The following CALN1 variants were observed in gnomAD, a reference collection of about 807,000 sequenced individuals.
CALN1 encodes calneuron 1.
CALN1 carries 17 observed loss-of-function variants against 30.6 expected under a neutral mutation model. The ratio of observed to expected loss-of-function variants is 0.56; its 90% CI spans 0.38 to 0.83. CALN1 has a LOEUF of 0.83. CALN1 is among the 40% of genes least tolerant of loss of function. CALN1 has a pLI of 0.00. For missense variants in CALN1, 291 were observed against 354.9 expected (o/e 0.82, Z 1.45); for synonymous variants, 156 against 131.4 (o/e 1.19, Z -1.28).
chr7:72,092,531 G>A (rs1004102437), intron 4 of CALN1, among the ~76,000 whole-genome samples: 1 of 148,432 alleles, frequency 6.7e-6, no homozygotes, highest in African/African-American at 2.5e-5. Flanking sequence ...GGAATGTGTA[G>A]AGTCTCCCAT....
chr7:72,188,247 A>G (rs1476330646), intron 3 of CALN1, among the ~76,000 whole-genome samples: 1 of 152,202 alleles, frequency 6.6e-6, no homozygotes, highest in Admixed American at 6.5e-5. Flanking sequence ...CAACAGGTGG[A>G]TAAAGAAACT....
chr7:71,862,916 C>A (rs1038450498), intron 5 of CALN1, among the ~76,000 whole-genome samples: 2 of 152,130 alleles, frequency 1.3e-5, no homozygotes, highest in Non-Finnish European at 2.9e-5. Context: ...ACAAGATAAT[C>A]CAAGTTAGTT....
At chr7:72,465,378 G>A in the CALN1 span, among the ~76,000 whole-genome samples, 1 of 152,168 alleles carries the variant, frequency 6.6e-6, no homozygotes, top group Non-Finnish European at 1.5e-5. Context: ...GAGCTTCTGG[G>A]CTCTGTCTTC....
intron 2 of CALN1, among the ~76,000 whole-genome samples, chr7:72,398,106 G>A (rs1236081105): frequency 1.3e-5 from 2 of 152,164 alleles, no homozygotes; most frequent in Non-Finnish European, 2.9e-5. Flanking sequence ...GGGAAGAGAG[G>A]CAAGAAGAGG....
intron 5 of CALN1, among the ~76,000 whole-genome samples, chr7:71,922,555 C>CAAAAT (rs1474722895): frequency 8.7e-6 from 1 of 114,598 alleles, no homozygotes; most frequent in Admixed American, 9.0e-5. Context: ...ATATAACACA[C>CAAAAT]AGATTATATA....
intron 5 of CALN1, among the ~76,000 whole-genome samples, chr7:71,883,452 C>T (rs17137575): frequency 0.12 from 17,746 of 152,060 alleles, 1,501 homozygotes; most frequent in East Asian, 0.43. Flanking sequence ...AGCTCCTAAG[C>T]TGTAAGTCAC....
At chr7:72,336,986 T>C (rs1802104418) in intron 2 of CALN1, 3 of 985,178 alleles carry the variant, frequency 3.0e-6, no homozygotes, top group Non-Finnish European at 3.6e-6. Flanking sequence ...CGTGCCTCCC[T>C]GTCCTTGTCC....
chr7:71,885,543 T>A (rs1479967013), intron 5 of CALN1, among the ~76,000 whole-genome samples: 3 of 152,258 alleles, frequency 2.0e-5, no homozygotes, highest in African/African-American at 4.8e-5. Flanking sequence ...CGTGGGCACA[T>A]GTTCTCAGGA....
Position 72,234,970 on chromosome 7 carries a change from T to G in CALN1, c.244+43716A>C, listed in dbSNP as rs117609309. Among the ~76,000 whole-genome samples, 5 of 152,190 alleles carry G rather than the reference T, an allele frequency of 3.3e-5. No individual in the cohort carries two copies. In the East Asian group the frequency reaches 9.7e-4, roughly 29 times the overall value. On this transcript the variant is annotated intron_variant, in intron 3 of 6. Coordinates refer to ENST00000395275, the MANE Select transcript of CALN1 (RefSeq NM_031468.4). ...ACTTGCTTTAAAGAAACACAACAGATAAAAACTTATAAAACAGACCTGGTG... is the reference window on the plus strand; with the variant it reads ...ACTTGCTTTAAAGAAACACAACAGAGAAAAACTTATAAAACAGACCTGGTG...
At chr7:72,362,564 C>T (rs1803633687) in intron 2 of CALN1, among the ~76,000 whole-genome samples, 1 of 152,180 alleles carries the variant, frequency 6.6e-6, no homozygotes, top group Non-Finnish European at 1.5e-5. Flanking sequence ...AATTCTTTCA[C>T]AGATAATGAT....
intron 1 of CALN1, among the ~76,000 whole-genome samples, chr7:72,410,089 ATAT>A (rs1807014274): frequency 6.6e-6 from 1 of 152,108 alleles, no homozygotes; most frequent in Non-Finnish European, 1.5e-5. Context: ...GGGTCATGCC[ATAT>A]GGTGTGTAAT....
intron 2 of CALN1, among the ~76,000 whole-genome samples, chr7:72,387,411 T>C (rs533059719): frequency 2.6e-5 from 4 of 152,196 alleles, no homozygotes; most frequent in East Asian, 3.9e-4. Context: ...GTGCAGTGAC[T>C]TTCTCCCAAA....
chr7:72,294,370 G>A (rs1798704942), intron 2 of CALN1, among the ~76,000 whole-genome samples: 1 of 152,174 alleles, frequency 6.6e-6, no homozygotes, highest in Admixed American at 6.5e-5. Context: ...TTCTATGTTT[G>A]AGGGTAAAAT....
intron 5 of CALN1, among the ~76,000 whole-genome samples, chr7:71,852,426 C>T (rs182194541): frequency 1.2e-3 from 171 of 142,966 alleles, no homozygotes; most frequent in African/African-American, 4.3e-3. Flanking sequence ...AGATTGAGCT[C>T]AAGAGTTTGA....
At chr7:72,074,737 G>A (rs1273136024) in intron 4 of CALN1, among the ~76,000 whole-genome samples, 1 of 152,066 alleles carries the variant, frequency 6.6e-6, no homozygotes, top group Non-Finnish European at 1.5e-5. Flanking sequence ...AGGAAACCTG[G>A]CATCAGATTC....
the CALN1 span, among the ~76,000 whole-genome samples, chr7:72,489,688 C>A: frequency 6.6e-6 from 1 of 152,202 alleles, no homozygotes; most frequent in African/African-American, 2.4e-5. Flanking sequence ...CTAAAGCCAA[C>A]CCTTTGCATG....
intron 3 of CALN1, among the ~76,000 whole-genome samples, chr7:72,205,987 C>T (rs1791851684): frequency 6.6e-6 from 1 of 152,098 alleles, no homozygotes; most frequent in Non-Finnish European, 1.5e-5. Context: ...AAATATATCA[C>T]CAGCTTCTCC....
chr7:72,263,852 G>A (rs1796436279), intron 3 of CALN1, among the ~76,000 whole-genome samples: 1 of 152,050 alleles, frequency 6.6e-6, no homozygotes, highest in South Asian at 2.1e-4. Flanking sequence ...ATATATTTAG[G>A]CACTGCCTCA....
chr7:72,090,114 A>G (rs1333222381), intron 4 of CALN1, among the ~76,000 whole-genome samples: 1 of 152,196 alleles, frequency 6.6e-6, no homozygotes, highest in East Asian at 1.9e-4. Flanking sequence ...CCCGGCCAAC[A>G]TGGTGAAACC....
Sources: gnomAD v4.1 joint callset for allele counts (sites outside exome capture counted in the v4.1 genomes callset) on GRCh38, gnomAD v4.1.1 for gene constraint, MANE v1.5 for transcripts, NCBI Gene and HGNC (gene_info 2026-07-23, HGNC 2026-07-21) for gene names.